Variants in CENPO observed in about 807,000 individuals in gnomAD.
The protein encoded by CENPO is centromere protein O.
Under a neutral mutation model 36.1 loss-of-function variants are expected in CENPO, and 30 were observed. The observed-to-expected ratio is 0.83, with a 90% CI of 0.62 to 1.13. The LOEUF (loss-of-function observed/expected upper bound fraction) is 1.13, where lower values mean the gene tolerates loss of function less well. CENPO is among the 50% of genes most tolerant of loss of function. The pLI is 0.00. For synonymous variants in CENPO, 171 were observed against 142.3 expected, an observed-to-expected ratio of 1.20 and a Z score of -1.44; for missense variants, 349 against 357.8, an observed-to-expected ratio of 0.98 and a Z score of 0.20.
In CENPO at chr2:24,819,928, C is replaced by A; in HGVS notation, c.*610C>A. The A allele has an allele frequency of 1.2e-6, 2 of 1,613,134 alleles. No homozygotes were observed. The highest frequency in any genetic ancestry group is 1.7e-6 in the Non-Finnish European group (2 of 1,179,654). On this transcript the variant is annotated 3_prime_UTR_variant, in exon 8 of 8. Coordinates refer to ENST00000380834, the MANE Select transcript of CENPO (RefSeq NM_001322101.2). ...GGTTTGGACTGTTGCAGGCTCGAGG[C>A]CATTCAGGAGTTGTCCACCACCTGG... is the stretch of plus-strand genomic sequence containing the variant.
chr2:24,814,641 GACAC>G (rs905919340), intron 4 of CENPO, 148 bp downstream of exon 4: 1 of 474,560 alleles, frequency 2.1e-6, no homozygotes, highest in African/African-American at 2.0e-5. Context: ...CACACACACA[GACAC>G]ACACACAGCT....
chr2:24,820,903 C>A lies in CENPO; in HGVS notation c.*1585C>A. The A allele has an allele frequency of 1.3e-6, 2 of 1,598,444 alleles. No homozygotes were observed. The highest frequency in any genetic ancestry group is 1.7e-6 in the Non-Finnish European group (2 of 1,171,268). On this transcript the variant is annotated 3_prime_UTR_variant, in exon 8 of 8. Transcript: ENST00000380834. The stretch of plus-strand genomic sequence containing the variant: ...CCACAGGCCACACCTTGTTATGGGC[C>A]TCAGAAGCCATCTCCTCTCCAGACC...
rs567931930 is a variant in CENPO at position 24,808,964 on chromosome 2, C to T, written c.217-5412C>T. On this transcript the variant is annotated intron_variant, in intron 3 of 7. Coordinates refer to ENST00000380834, the MANE Select transcript of CENPO (RefSeq NM_001322101.2). ...TCTTACATTTTGATGAGGAATTCCC[C>T]GGTGAAGCTCTTTGGGCCTTCTCTG... Among the ~76,000 whole-genome samples the T allele has an allele frequency of 2.6e-4, 39 of 151,466 alleles. 1 individual carries two copies. The South Asian group carries it at 5.9e-3, about 23-fold the overall frequency.
At position 24,821,531 on chromosome 2, in the gene CENPO, A is replaced by AAGTT. The variant is rs1293429916; in HGVS notation, c.*2215_*2218dup. 1 of 1,614,054 alleles carries AAGTT rather than the reference A, an allele frequency of 6.2e-7. No individual in the cohort carries two copies. Among genetic ancestry groups the AAGTT allele is most frequent in the Non-Finnish European group, 8.5e-7 (1 of 1,179,984 alleles). ...GGGGTGCTCACCTATGCGCAGCATG[A>AAGTT]AGTTATTGAAGGACTGGTTGTTGAT... is the stretch of plus-strand genomic sequence containing the variant. On this transcript the variant is annotated 3_prime_UTR_variant, in exon 8 of 8. Coordinates refer to ENST00000380834, the MANE Select transcript of CENPO (RefSeq NM_001322101.2).
At chr2:24,816,367 G>T in intron 5 of CENPO, 1 of 345,968 alleles carries the variant, frequency 2.9e-6, no homozygotes. Flanking sequence ...AAGCATCTTA[G>T]CCGTGTAACG....
rs1667414341 is a variant in CENPO, at chr2:24,820,357, T to C, written c.*1039T>C. Reference sequence around the variant, plus strand: ...AGAGACTTCTCTCCTAGGATGGCCATGGTCACCTGGGTGGCAGCACTGTTA... The same window carrying C: ...AGAGACTTCTCTCCTAGGATGGCCACGGTCACCTGGGTGGCAGCACTGTTA... On this transcript the variant is annotated 3_prime_UTR_variant, in exon 8 of 8. Coordinates refer to ENST00000380834, the MANE Select transcript of CENPO (RefSeq NM_001322101.2). The C allele has an allele frequency of 1.5e-6, 2 of 1,327,032 alleles. No homozygotes were observed. Among genetic ancestry groups the C allele is most frequent in the African/African-American group, 1.5e-5 (1 of 66,284 alleles). 82.2% of individuals were successfully genotyped at this position (1,327,032 alleles called of 1,614,324 possible). A position where few individuals can be genotyped will look rare whatever the true frequency, so the allele number is the denominator to read the frequency against.
intron 3 of CENPO, among the ~76,000 whole-genome samples, chr2:24,813,943 C>T (rs971365938): frequency 9.2e-5 from 14 of 152,180 alleles, no homozygotes; most frequent in Non-Finnish European, 1.9e-4. Flanking sequence ...TCTCAGAGGG[C>T]GGGTCAGCCT....
At position 24,799,800 on chromosome 2, in the gene CENPO, C is replaced by T. The variant is rs1351656213; in HGVS notation, c.172C>T (p.Leu58=). The part of the protein sequence containing the change: ...LGTKIHKLRR[L]RDELRAVVRH... ...AACCAAGATTCATAAACTAAGGCGT[C>T]TGCGAGATGAGCTGAGGGCTGTGGT... Residue 58 remains leucine (L), a synonymous_variant, in exon 3 of 8, where the codon CTG becomes TTG. Transcript: ENST00000380834. 1.9e-6 allele frequency: 3 copies of T among 1,613,768 alleles called. No individual in the cohort carries two copies. The highest frequency in any genetic ancestry group is 2.2e-5 in the East Asian group (1 of 44,884).
At chr2:24,811,100 C>T (rs375615879) in intron 3 of CENPO, among the ~76,000 whole-genome samples, 2 of 150,800 alleles carry the variant, frequency 1.3e-5, no homozygotes, top group East Asian at 4.0e-4. Context: ...TGCACCACCA[C>T]GCCTGGCTAA....
At position 24,805,140 on chromosome 2, in the gene CENPO, C is replaced by A. The variant is rs190971849; in HGVS notation, c.216+5296C>A. Among the ~76,000 whole-genome samples the A allele has an allele frequency of 2.6e-3, 399 of 152,302 alleles. 2 individuals are homozygous for A. Among genetic ancestry groups the A allele is most frequent in the African/African-American group, 9.2e-3 (382 of 41,568 alleles). ...AATCGGCTACTGAGGCTTGTGCATT[C>A]GTCACGTGGGTCTCACGCCATGGTT... On this transcript the variant is annotated intron_variant, in intron 3 of 7. Coordinates refer to ENST00000380834, the MANE Select transcript of CENPO (RefSeq NM_001322101.2).
intron 3 of CENPO, among the ~76,000 whole-genome samples, chr2:24,803,531 T>A (rs1666247656): frequency 6.6e-6 from 1 of 152,210 alleles, no homozygotes; most frequent in South Asian, 2.1e-4. Flanking sequence ...ATGTTGTGTC[T>A]TTGTTCTCGT....
chr2:24,800,332 T>C (rs2148257067), intron 3 of CENPO, among the ~76,000 whole-genome samples: 1 of 152,342 alleles, frequency 6.6e-6, no homozygotes, highest in Non-Finnish European at 1.5e-5. Context: ...CATTTTTTAA[T>C]TTTTTTATTA....
rs920683929 is a variant in CENPO, at chr2:24,793,867, C to T, written c.-53C>T. The T allele has an allele frequency of 1.7e-5, 28 of 1,613,594 alleles. No homozygotes were observed. The highest frequency in any genetic ancestry group is 9.3e-5 in the African/African-American group (7 of 74,912). Reference sequence around the variant, plus strand: ...CTTTTATTAGCAAGGACATTGGAGTCCCTATCACCGGTTGCCTAGACAACT... The same window carrying T: ...CTTTTATTAGCAAGGACATTGGAGTTCCTATCACCGGTTGCCTAGACAACT... On this transcript the variant is annotated 5_prime_UTR_variant, in exon 2 of 8. Transcript: ENST00000380834.
chr2:24,801,017 T>C (rs1403506983), intron 3 of CENPO, among the ~76,000 whole-genome samples: 1 of 152,196 alleles, frequency 6.6e-6, no homozygotes, highest in Non-Finnish European at 1.5e-5. Flanking sequence ...ATGATCGCCA[T>C]TCTAACTGGT....
chr2:24,820,720 A>G lies in CENPO; in HGVS notation c.*1402A>G, dbSNP rs1208193857. On this transcript the variant is annotated 3_prime_UTR_variant, in exon 8 of 8. Transcript: ENST00000380834. Reference sequence around the variant, plus strand: ...GCACGTGCCAGCTGTGCCACTGGACATACCTGAATGTTGCCCATGACCCCC... The same window carrying G: ...GCACGTGCCAGCTGTGCCACTGGACGTACCTGAATGTTGCCCATGACCCCC... 6.8e-6 allele frequency: 11 copies of G among 1,614,042 alleles called. No individual in the cohort carries two copies. Among genetic ancestry groups the G allele is most frequent in the Admixed American group, 1.7e-5 (1 of 60,008 alleles).
At chr2:24,816,548 A>T in intron 5 of CENPO, 98 bp from the exon 6 acceptor site, 1 of 777,950 alleles carries the variant, frequency 1.3e-6, no homozygotes, top group African/African-American at 1.8e-5. Context: ...AATGTAATCG[A>T]TGGGCCTCTT....
intron 7 of CENPO, 58 bp downstream of exon 7, chr2:24,817,899 C>G: frequency 2.2e-6 from 3 of 1,389,058 alleles, no homozygotes; most frequent in Non-Finnish European, 3.0e-6. Context: ...ATGAAGGGTA[C>G]ATCACCCTTC....
chr2:24,815,005 C>CA (rs1666874294), intron 4 of CENPO, among the ~76,000 whole-genome samples: 1 of 152,070 alleles, frequency 6.6e-6, no homozygotes, highest in Non-Finnish European at 1.5e-5. Flanking sequence ...CTTTGGGAGG[C>CA]TGAGGCAGGA....
intron 3 of CENPO, among the ~76,000 whole-genome samples, chr2:24,805,979 G>T (rs1399815930): frequency 6.6e-6 from 1 of 152,218 alleles, no homozygotes; most frequent in African/African-American, 2.4e-5. Context: ...CACCCAGTTC[G>T]AGCTTCCAGG....
Sources: allele counts gnomAD v4.1 joint callset (sites outside exome capture counted in the v4.1 genomes callset), GRCh38; gene constraint gnomAD v4.1.1; transcripts MANE v1.5; gene names NCBI Gene and HGNC (gene_info 2026-07-23, HGNC 2026-07-21).